Variants in CELF2 observed in about 807,000 individuals in gnomAD.
CELF2 encodes the protein CUGBP Elav-like family member 2, also known as CUG triplet repeat RNA-binding protein 2.
Under a neutral mutation model 62.6 loss-of-function variants are expected in CELF2, and 8 were observed. That is an observed-to-expected ratio of 0.13 (90% CI 0.07 to 0.23). The LOEUF (loss-of-function observed/expected upper bound fraction) is 0.23, where lower values mean the gene tolerates loss of function less well. Among genes scored for constraint, CELF2 ranks in the 10% least tolerant of loss-of-function variants. The probability of loss-of-function intolerance (pLI) is 1.00; values close to 1 mark genes in which losing one functional copy is unlikely to be tolerated. For synonymous variants in CELF2, 258 were observed against 250.0 expected (o/e 1.03, Z -0.30); for missense variants, 333 against 671.0 (o/e 0.50, Z 5.56).
intron 3 of CELF2, 28 bp from the exon 4 acceptor site, chr10:11,249,125 C>CTT: frequency 6.3e-7 from 1 of 1,599,040 alleles, no homozygotes. Flanking sequence ...TTCAATCTGC[C>CTT]TTTACTTTCT....
At chr10:10,841,329 G>A (rs369078571) in intron 1 of CELF2, among the ~76,000 whole-genome samples, 4 of 134,616 alleles carry the variant, frequency 3.0e-5, no homozygotes, top group East Asian at 4.6e-4. Flanking sequence ...CATATATTGT[G>A]CATTTGATAT....
chr10:10,817,401 T>C (rs1300974494), intron 1 of CELF2, among the ~76,000 whole-genome samples: 2 of 152,172 alleles, frequency 1.3e-5, no homozygotes, highest in Non-Finnish European at 2.9e-5. Context: ...TGCTACCAAA[T>C]AGTAGGTCTT....
At chr10:10,609,764 T>C in the CELF2 span, among the ~76,000 whole-genome samples, 1 of 152,240 alleles carries the variant, frequency 6.6e-6, no homozygotes, top group Non-Finnish European at 1.5e-5. Flanking sequence ...GCTATGGTTT[T>C]AGCCAACTCA....
the CELF2 span, among the ~76,000 whole-genome samples, chr10:10,619,359 G>C: frequency 6.6e-6 from 1 of 152,162 alleles, no homozygotes; most frequent in Non-Finnish European, 1.5e-5. Context: ...TTGTTAAAGT[G>C]CTCTCCCAAT....
At chr10:10,896,248 G>A (rs1023451077) in intron 1 of CELF2, among the ~76,000 whole-genome samples, 1 of 152,076 alleles carries the variant, frequency 6.6e-6, no homozygotes, top group African/African-American at 2.4e-5. Context: ...AGGGCGGTGG[G>A]TACAGCACAT....
At chr10:11,250,039 G>A (rs2076678357) in intron 4 of CELF2, among the ~76,000 whole-genome samples, 2 of 152,222 alleles carry the variant, frequency 1.3e-5, no homozygotes, top group African/African-American at 4.8e-5. Context: ...CATGCACTTA[G>A]AGATCTACGT....
Position 11,217,727 on chromosome 10 carries a change from C to A in CELF2, c.354+220C>A, listed in dbSNP as rs1420136265. On this transcript the variant is annotated intron_variant, in intron 3 of 12. Coordinates refer to ENST00000633077, the MANE Select transcript of CELF2 (RefSeq NM_001326342.2). This position sits in a 1 kb window ranked among gnomAD's most constrained non-coding sequence, Gnocchi z 5.6. ...GGGAAGCATTCTCAAATAGTGCATC[C>A]CCTGGTTAGAAAATCAGAGTGACCC... Among the ~76,000 whole-genome samples, 1 of 152,106 alleles carries A rather than the reference C, an allele frequency of 6.6e-6. No individual in the cohort carries two copies. The highest frequency in any genetic ancestry group is 2.4e-5 in the African/African-American group (1 of 41,412).
At chr10:11,013,858 G>A (rs1411658502), upstream of CELF2, among the ~76,000 whole-genome samples, 1 of 152,198 alleles carries the variant, frequency 6.6e-6, no homozygotes, top group Non-Finnish European at 1.5e-5. The surrounding 1 kb of genome is among the most constrained non-coding windows in gnomAD (Gnocchi z 4.1). Flanking sequence ...GGCTTACAAT[G>A]TGTCACTTAA....
chr10:10,899,105 C>G (rs2062759981), intron 1 of CELF2, among the ~76,000 whole-genome samples: 1 of 152,144 alleles, frequency 6.6e-6, no homozygotes, highest in African/African-American at 2.4e-5. Flanking sequence ...TCTTTTAGCT[C>G]TAAACCTCTA....
At chr10:10,668,534 G>A in the CELF2 span, among the ~76,000 whole-genome samples, 1 of 152,186 alleles carries the variant, frequency 6.6e-6, no homozygotes, top group African/African-American at 2.4e-5. Flanking sequence ...GTTTCCCATT[G>A]CATCATGTCA....
chr10:10,564,103 G>T, the CELF2 span, among the ~76,000 whole-genome samples: 2 of 152,104 alleles, frequency 1.3e-5, no homozygotes, highest in Admixed American at 1.3e-4. Flanking sequence ...TCCTTTGCTC[G>T]CTACCTTTTG....
intron 1 of CELF2, among the ~76,000 whole-genome samples, chr10:10,839,367 T>C (rs2058525637): frequency 6.6e-6 from 1 of 152,226 alleles, no homozygotes; most frequent in African/African-American, 2.4e-5. Context: ...TCTATTCCAT[T>C]ACCTTCTCTC....
intron 3 of CELF2, among the ~76,000 whole-genome samples, chr10:11,233,046 A>G (rs2069436454): frequency 6.6e-6 from 1 of 152,214 alleles, no homozygotes; most frequent in Non-Finnish European, 1.5e-5. Context: ...TGGCTATTAA[A>G]CATGTCCACT....
At chr10:10,497,779 C>A in the CELF2 span, among the ~76,000 whole-genome samples, 1 of 152,130 alleles carries the variant, frequency 6.6e-6, no homozygotes, top group Admixed American at 6.5e-5. Flanking sequence ...AAGAGGGCAC[C>A]GATACTGTAA....
At chr10:11,307,234 C>A (rs182514903) in intron 9 of CELF2, among the ~76,000 whole-genome samples, 2 of 152,260 alleles carry the variant, frequency 1.3e-5, no homozygotes, top group Non-Finnish European at 2.9e-5. Context: ...CTGACGGGCA[C>A]TACTCTGGAG....
At chr10:10,559,106 G>A in the CELF2 span, among the ~76,000 whole-genome samples, 2 of 152,022 alleles carry the variant, frequency 1.3e-5, no homozygotes, top group African/African-American at 2.4e-5. Context: ...ATGTGTTGCT[G>A]GCATTTACAC....
At chr10:10,664,599 G>T in the CELF2 span, among the ~76,000 whole-genome samples, 1 of 152,166 alleles carries the variant, frequency 6.6e-6, no homozygotes, top group African/African-American at 2.4e-5. Context: ...AACTACGGTG[G>T]GCTAGCAAGG....
At chr10:10,906,863 C>T (rs1219072652) in intron 1 of CELF2, among the ~76,000 whole-genome samples, 1 of 151,764 alleles carries the variant, frequency 6.6e-6, no homozygotes, top group Non-Finnish European at 1.5e-5. Flanking sequence ...GAATTACAGG[C>T]ACAAGCCGCC....
chr10:10,923,110 C>T (rs2065075316), intron 2 of CELF2: 2 of 152,178 alleles, frequency 1.3e-5, no homozygotes, highest in Admixed American at 6.5e-5. Flanking sequence ...TACCTCGGTG[C>T]TGTGGAAAAC....
Sources: gnomAD v4.1 joint callset for allele counts (sites outside exome capture counted in the v4.1 genomes callset) on GRCh38, gnomAD v4.1.1 for gene constraint, Gnocchi (gnomAD v3.1) non-coding constraint, MANE v1.5 for transcripts, NCBI Gene and HGNC (gene_info 2026-07-23, HGNC 2026-07-21) for gene names.